The following KLF15 variants were observed in gnomAD, a reference collection of about 807,000 sequenced individuals.
KLF15 encodes Krueppel-like factor 15.
KLF15 carries 4 observed loss-of-function variants against 24.6 expected under a neutral mutation model. That is an observed-to-expected ratio of 0.16 (90% CI 0.08 to 0.37). The LOEUF (loss-of-function observed/expected upper bound fraction) is 0.37. Ranked by LOEUF, KLF15 falls within the 10% of genes least tolerant of loss-of-function variation. The probability of loss-of-function intolerance (pLI) is 1.00; values close to 1 mark genes in which losing one functional copy is unlikely to be tolerated. For missense variants in KLF15, 496 were observed against 560.6 expected (o/e 0.88, Z 1.16); for synonymous variants, 246 against 236.3 (o/e 1.04, Z -0.37).
the KLF15 span, among the ~76,000 whole-genome samples, chr3:126,329,619 A>T: frequency 4.6e-5 from 7 of 152,296 alleles, no homozygotes; most frequent in East Asian, 1.3e-3. Context: ...GTTGCATCTT[A>T]TACATTTTCT....
the KLF15 span, among the ~76,000 whole-genome samples, chr3:126,292,562 G>A: frequency 2.4e-4 from 36 of 152,316 alleles, no homozygotes; most frequent in South Asian, 2.1e-3. Context: ...CTGCTCTCAC[G>A]GATGGGCATT....
downstream of KLF15, among the ~76,000 whole-genome samples, chr3:126,341,611 C>T (rs2082479967): frequency 6.6e-6 from 1 of 152,138 alleles, no homozygotes; most frequent in Non-Finnish European, 1.5e-5. Context: ...GATAGGATGT[C>T]CATCCTCCTA....
chr3:126,294,612 A>C, the KLF15 span, among the ~76,000 whole-genome samples: 1 of 152,162 alleles, frequency 6.6e-6, no homozygotes, highest in Non-Finnish European at 1.5e-5. Flanking sequence ...TTAACTGAGC[A>C]CTTTTCTCTG....
At chr3:126,320,271 C>T in the KLF15 span, among the ~76,000 whole-genome samples, 1 of 152,142 alleles carries the variant, frequency 6.6e-6, no homozygotes, top group African/African-American at 2.4e-5. Context: ...TCAAAAGAGG[C>T]TGAACATGTG....
chr3:126,351,740 C>CAA, intron 2 of KLF15, 101 bp downstream of exon 2: 1 of 585,698 alleles, frequency 1.7e-6, no homozygotes, highest in Non-Finnish European at 2.8e-6. Context: ...CCTCCCTCAT[C>CAA]TACCTTCTGT....
At chr3:126,335,985 AATGGCCATACTGCCC>A in the KLF15 span, among the ~76,000 whole-genome samples, 2 of 147,804 alleles carry the variant, frequency 1.4e-5, no homozygotes, top group East Asian at 3.9e-4. Flanking sequence ...ATATCGTGAA[AATGGCCATACTGCCC>A]AAGGTAATTT....
In KLF15 at chr3:126,343,571, C is replaced by G; in HGVS notation, c.*156G>C. On this transcript the variant is annotated 3_prime_UTR_variant, in exon 3 of 3. Coordinates refer to ENST00000296233, the MANE Select transcript of KLF15 (RefSeq NM_014079.4). Reference sequence around the variant, plus strand: ...CTCTAAGTACTCCCGAGAAAGGCAGCGGTTGGCGGGCCCTGGGTTCACACC... The same window carrying G: ...CTCTAAGTACTCCCGAGAAAGGCAGGGGTTGGCGGGCCCTGGGTTCACACC... 1.4e-6 allele frequency: 1 copy of G among 703,906 alleles called. No individual in the cohort carries two copies. The highest frequency in any genetic ancestry group is 2.3e-6 in the Non-Finnish European group (1 of 431,616). 43.6% of individuals were successfully genotyped at this position (703,906 alleles called of 1,614,324 possible).
chr3:126,329,914 C>A, the KLF15 span, among the ~76,000 whole-genome samples: 6 of 151,226 alleles, frequency 4.0e-5, 1 homozygote, highest in South Asian at 4.2e-4. Flanking sequence ...ATGAACTCTA[C>A]TTACTGTTGC....
the KLF15 span, among the ~76,000 whole-genome samples, chr3:126,327,306 G>A: frequency 2.0e-5 from 3 of 152,164 alleles, no homozygotes; most frequent in African/African-American, 7.2e-5. Context: ...ACCTCATAGA[G>A]GTTTTCACTT....
At chr3:126,353,697 C>T (rs555620116) in intron 1 of KLF15, among the ~76,000 whole-genome samples, 1 of 152,354 alleles carries the variant, frequency 6.6e-6, no homozygotes, top group South Asian at 2.1e-4. Context: ...CCACCTAAAG[C>T]TCCTCCACTC....
At chr3:126,291,618 A>C in the KLF15 span, among the ~76,000 whole-genome samples, 59 of 152,090 alleles carry the variant, frequency 3.9e-4, no homozygotes, top group Non-Finnish European at 8.8e-5. Flanking sequence ...CGGGGCTGCC[A>C]CTCTCCCAGG....
Position 126,352,881 on chromosome 3 carries a change from C to A in KLF15, c.42G>T (p.Ser14=), listed in dbSNP as rs139765076. Residue 14 remains serine, a synonymous_variant, in exon 2 of 3, where the codon TCG becomes TCT. Coordinates refer to ENST00000296233, the MANE Select transcript of KLF15 (RefSeq NM_014079.4). The part of the protein sequence containing the change: ...HLLPVDENFS[S]PKCPVGYLGD... ...CCAGATACCCAACTGGGCATTTTGG[C>A]GACGAGAAGTTCTCGTCCACTGGAA... 1.2e-6 allele frequency: 2 copies of A among 1,611,092 alleles called. No homozygotes were observed. The highest frequency in any genetic ancestry group is 1.7e-6 in the Non-Finnish European group (2 of 1,178,854).
the KLF15 span, among the ~76,000 whole-genome samples, chr3:126,332,050 G>A: frequency 1.3e-5 from 2 of 152,340 alleles, no homozygotes; most frequent in African/African-American, 2.4e-5. Context: ...CAGGAAGCTC[G>A]AACTGGGTGG....
rs1455640926 is a variant in KLF15 at position 126,356,957 on chromosome 3, C to T, written c.-26+280G>A. On this transcript the variant is annotated intron_variant, in intron 1 of 2. Transcript: ENST00000296233. This position sits in a 1 kb window ranked among gnomAD's most constrained non-coding sequence, Gnocchi z 4.4. ...CATATGGGAGGGCCGGCCCGCAAGG[C>T]GCGCCACGGAATCGCCCGGCCAGGC... 2.0e-5 allele frequency among the ~76,000 whole-genome samples: 3 copies of T among 151,880 alleles called. No individual in the cohort carries two copies. Among genetic ancestry groups the T allele is most frequent in the Non-Finnish European group, 2.9e-5 (2 of 67,936 alleles).
At chr3:126,327,765 T>C in the KLF15 span, among the ~76,000 whole-genome samples, 1 of 152,226 alleles carries the variant, frequency 6.6e-6, no homozygotes, top group Non-Finnish European at 1.5e-5. Context: ...CATTGCCAAA[T>C]GAAAGAGCTA....
the KLF15 span, among the ~76,000 whole-genome samples, chr3:126,289,094 A>C: frequency 2.6e-5 from 4 of 152,234 alleles, no homozygotes; most frequent in Non-Finnish European, 4.4e-5. Flanking sequence ...GGAAAGATGG[A>C]AGGTCAACAG....
chr3:126,323,032 T>TA, the KLF15 span, among the ~76,000 whole-genome samples: 6 of 151,076 alleles, frequency 4.0e-5, no homozygotes, highest in Admixed American at 6.6e-5. Flanking sequence ...TTTTTTTTTT[T>TA]AATGAAATAA....
At chr3:126,321,978 G>T in the KLF15 span, among the ~76,000 whole-genome samples, 2 of 152,144 alleles carry the variant, frequency 1.3e-5, no homozygotes, top group African/African-American at 2.4e-5. Flanking sequence ...CCACCTCCAG[G>T]TTCTGGCAGC....
In KLF15 at chr3:126,356,563, G is replaced by C. The variant is rs1350468012; in HGVS notation, c.-26+674C>G. On this transcript the variant is annotated intron_variant, in intron 1 of 2. Transcript: ENST00000296233. This position sits in a 1 kb window ranked among gnomAD's most constrained non-coding sequence, Gnocchi z 4.4. ...TCAGCGTGGAGTGAGACGCGTGAAC[G>C]GTGCGGGTGTGCGTGAAGGGGTGTG... Among the ~76,000 whole-genome samples the C allele has an allele frequency of 6.6e-6, 1 of 152,164 alleles. No homozygotes were observed. The highest frequency in any genetic ancestry group is 2.4e-5 in the African/African-American group (1 of 41,438).
Sources: allele counts gnomAD v4.1 joint callset (sites outside exome capture counted in the v4.1 genomes callset), GRCh38; gene constraint gnomAD v4.1.1; non-coding constraint Gnocchi (gnomAD v3.1); transcripts MANE v1.5; gene names NCBI Gene and HGNC (gene_info 2026-07-23, HGNC 2026-07-21).